The following KARS1 variants were observed in gnomAD, a reference collection of about 807,000 sequenced individuals.
KARS1 encodes lysine--tRNA ligase.
Under a neutral mutation model 63.9 loss-of-function variants are expected in KARS1, and 50 were observed. The observed-to-expected ratio is 0.78, with a 90% CI of 0.62 to 0.99. The LOEUF (loss-of-function observed/expected upper bound fraction) is 0.99. KARS1 is among the 50% of genes least tolerant of loss of function. KARS1 has a pLI of 0.00. For synonymous variants in KARS1, 320 were observed against 264.6 expected (o/e 1.21, Z -2.03); for missense variants, 816 against 754.5 (o/e 1.08, Z -0.95).
At chr16:75,635,155 T>C (rs942882096) in intron 6 of KARS1, among the ~76,000 whole-genome samples, 1 of 152,222 alleles carries the variant, frequency 6.6e-6, no homozygotes, top group African/African-American at 2.4e-5. Flanking sequence ...ACTTCATTCA[T>C]ATTTAAACCA....
chr16:75,630,580 G>C (rs1273812192), intron 10 of KARS1, 72 bp from the exon 11 acceptor site: 2 of 882,848 alleles, frequency 2.3e-6, no homozygotes, highest in African/African-American at 3.3e-5. Flanking sequence ...CCAGACAGAA[G>C]ATCTCAGCTC....
At chr16:75,639,428 C>T (rs906799556) in intron 3 of KARS1, among the ~76,000 whole-genome samples, 3 of 149,776 alleles carry the variant, frequency 2.0e-5, no homozygotes, top group Non-Finnish European at 3.0e-5. Context: ...AAAACTTAGC[C>T]GGGCGTGGTG....
At chr16:75,644,252 C>T in intron 1 of KARS1, 2 of 1,566,134 alleles carry the variant, frequency 1.3e-6, no homozygotes, top group South Asian at 2.3e-5. Flanking sequence ...TTTTTGCTTC[C>T]AGAGCAATAA....
At chr16:75,643,591 G>A (rs1231277750) in intron 1 of KARS1, among the ~76,000 whole-genome samples, 1 of 152,148 alleles carries the variant, frequency 6.6e-6, no homozygotes, top group African/African-American at 2.4e-5. Flanking sequence ...GTGTTAGCCA[G>A]GATGGTCTTG....
chr16:75,637,331 T>C (rs1187488489), intron 3 of KARS1, among the ~76,000 whole-genome samples: 1 of 147,390 alleles, frequency 6.8e-6, no homozygotes, highest in Non-Finnish European at 1.5e-5. Flanking sequence ...AGAAATGGGG[T>C]ATGGGAGGGA....
At chr16:75,633,740 C>G (rs2082134737) in intron 7 of KARS1, among the ~76,000 whole-genome samples, 2 of 152,190 alleles carry the variant, frequency 1.3e-5, no homozygotes, top group African/African-American at 4.8e-5. Flanking sequence ...TGGTTTCAAA[C>G]TCTTGACCTC....
chr16:75,644,067 TC>T (rs35501069), intron 1 of KARS1, among the ~76,000 whole-genome samples: 1 of 152,360 alleles, frequency 6.6e-6, no homozygotes, highest in East Asian at 1.9e-4. Context: ...TTAGCACTCT[TC>T]TAGAATAAGA....
intron 7 of KARS1, among the ~76,000 whole-genome samples, chr16:75,632,371 A>G (rs183277613): frequency 1.4e-3 from 208 of 151,854 alleles, no homozygotes; most frequent in African/African-American, 4.8e-3. Context: ...ACTTCTCGAT[A>G]CTCTTCCTGT....
At chr16:75,644,202 G>C in intron 1 of KARS1, 1 of 1,312,346 alleles carries the variant, frequency 7.6e-7, no homozygotes, top group Admixed American at 2.0e-5. Context: ...CAAAGACTTA[G>C]CCAGAGGCTT....
chr16:75,638,110 A>G (rs1257291471), intron 3 of KARS1, among the ~76,000 whole-genome samples: 1 of 152,198 alleles, frequency 6.6e-6, no homozygotes, highest in Non-Finnish European at 1.5e-5. Context: ...CACATACCAT[A>G]TAAAGTTACT....
chr16:75,630,441 A>G lies in KARS1; in HGVS notation c.1406T>C (p.Met469Thr). The G allele has an allele frequency of 6.2e-7, 1 of 1,605,894 alleles. No individual in the cohort carries two copies. The highest frequency in any genetic ancestry group is 8.5e-7 in the Non-Finnish European group (1 of 1,173,434). ...PTFICDHPQI[M>T]SPLAKWHRSK... ...ATCTTACCATTTAGCCAAAGGGCTC[A>G]TTATCTGTGGGTGATCACAGATGAA... Residue 469 changes from methionine to threonine, a missense_variant, in exon 11 of 14, where the codon ATG becomes ACG. Coordinates refer to ENST00000302445, the MANE Select transcript of KARS1 (RefSeq NM_005548.3).
At chr16:75,635,226 CATACGTATATAT>C in intron 6 of KARS1, 2 of 258,916 alleles carry the variant, frequency 7.7e-6, no homozygotes, top group African/African-American at 4.4e-5. Context: ...TGCATATGTA[CATACGTATATAT>C]GCCCAGTAAA....
chr16:75,645,174 C>T (rs2082267431), intron 1 of KARS1, among the ~76,000 whole-genome samples: 1 of 151,994 alleles, frequency 6.6e-6, no homozygotes, highest in African/African-American at 2.4e-5. Flanking sequence ...AGGAATTCCC[C>T]AGAACAATAA....
intron 3 of KARS1, among the ~76,000 whole-genome samples, chr16:75,639,439 G>T (rs2082198682): frequency 6.6e-6 from 1 of 152,068 alleles, no homozygotes; most frequent in African/African-American, 2.4e-5. Context: ...GGGCGTGGTG[G>T]CAGGTGCCTG....
chr16:75,644,368 C>G, intron 1 of KARS1: 1 of 1,612,466 alleles, frequency 6.2e-7, no homozygotes, highest in African/African-American at 1.3e-5. Flanking sequence ...TGACCCCACT[C>G]TGCCCAGGAG....
Position 75,629,433 on chromosome 16 carries a change from A to G in KARS1, c.1533T>C (p.Leu511=), listed in dbSNP as rs2082085906. The G allele has an allele frequency of 6.2e-7, 1 of 1,613,910 alleles. No homozygotes were observed. The highest frequency in any genetic ancestry group is 8.5e-7 in the Non-Finnish European group (1 of 1,179,924). The change falls in exon 12 of 14, where the codon CTT becomes CTC. Residue 511 remains leucine, a synonymous_variant. Coordinates refer to ENST00000302445, the MANE Select transcript of KARS1 (RefSeq NM_005548.3). The part of the protein sequence containing the change: ...ELNDPMRQRQ[L]FEEQAKAKAA... ...TTCTCACCTTGGCCTGTTCTTCAAA[A>G]AGCTGCCGCTGCCGCATGGGATCAT...
chr16:75,636,247 C>G, intron 4 of KARS1, 149 bp from the exon 5 acceptor site: 1 of 705,190 alleles, frequency 1.4e-6, no homozygotes, highest in Middle Eastern at 2.7e-4. Flanking sequence ...TAAAAAAGGA[C>G]TATCCTTTAC....
chr16:75,636,111 G>T lies in KARS1; in HGVS notation c.483-13C>A. ...TGATTTATAATTTCTGAGTGAAAAAGAAATGTAATTCAGTAACAACAATTC... is the reference window on the plus strand; with the variant it reads ...TGATTTATAATTTCTGAGTGAAAAATAAATGTAATTCAGTAACAACAATTC... On this transcript the variant is annotated splice_polypyrimidine_tract_variant and intron_variant, in intron 4 of 13. Coordinates refer to ENST00000302445, the MANE Select transcript of KARS1 (RefSeq NM_005548.3). The T allele has an allele frequency of 6.8e-7, 1 of 1,480,408 alleles. No individual in the cohort carries two copies. Among genetic ancestry groups the T allele is most frequent in the Non-Finnish European group, 9.4e-7 (1 of 1,061,398 alleles). 91.7% of individuals were successfully genotyped at this position (1,480,408 alleles called of 1,614,324 possible).
At chr16:75,643,812 T>C (rs2082251294) in intron 1 of KARS1, among the ~76,000 whole-genome samples, 1 of 152,264 alleles carries the variant, frequency 6.6e-6, no homozygotes, top group Non-Finnish European at 1.5e-5. Flanking sequence ...TATCATGCTA[T>C]AATTCAGTCA....
Sources: gnomAD v4.1 joint callset for allele counts (sites outside exome capture counted in the v4.1 genomes callset) on GRCh38, gnomAD v4.1.1 for gene constraint, MANE v1.5 for transcripts, NCBI Gene and HGNC (gene_info 2026-07-23, HGNC 2026-07-21) for gene names.